NCALD: variants seen among roughly 807,000 people sequenced by gnomAD.
NCALD encodes the protein neurocalcin delta.
NCALD carries 10 observed loss-of-function variants against 18.6 expected under a neutral mutation model. The ratio of observed to expected loss-of-function variants is 0.54; its 90% CI spans 0.33 to 0.91. NCALD has a LOEUF of 0.91. Ranked by LOEUF, NCALD falls within the 40% of genes least tolerant of loss-of-function variation. The probability of loss-of-function intolerance (pLI) is 0.03; values close to 1 mark genes in which losing one functional copy is unlikely to be tolerated. For missense variants in NCALD, 184 were observed against 247.6 expected (o/e 0.74, Z 1.72); for synonymous variants, 88 against 87.4 (o/e 1.01, Z -0.04).
At chr8:101,999,737 A>G (rs1286385282) in intron 2 of NCALD, among the ~76,000 whole-genome samples, 3 of 152,212 alleles carry the variant, frequency 2.0e-5, no homozygotes, top group Non-Finnish European at 2.9e-5. Flanking sequence ...GTAGGCTATT[A>G]TTCTCTAAAA....
chr8:101,976,217 T>C (rs567444284), intron 2 of NCALD, among the ~76,000 whole-genome samples: 1 of 152,314 alleles, frequency 6.6e-6, no homozygotes, highest in Non-Finnish European at 1.5e-5. Flanking sequence ...ATGATTTCTA[T>C]AAACCCTGCC....
chr8:102,093,068 G>A lies in NCALD; in HGVS notation c.-210+31169C>T, dbSNP rs150308084. ...AGCTTCTCAGGAGGCTGAGGAGGGA[G>A]TATCACCTGAGCCCAGTGAGGTTGA... is the stretch of plus-strand genomic sequence containing the variant. On this transcript the variant is annotated intron_variant, in intron 1 of 6. Transcript: ENST00000311028. Among the ~76,000 whole-genome samples, 22 of 152,014 alleles carry A rather than the reference G, an allele frequency of 1.4e-4. 1 individual carries two copies. The highest frequency in any genetic ancestry group is 3.9e-4 in the African/African-American group (16 of 41,462).
At chr8:101,798,319 AG>A (rs1224657693) in intron 4 of NCALD, among the ~76,000 whole-genome samples, 1 of 152,236 alleles carries the variant, frequency 6.6e-6, no homozygotes, top group Admixed American at 6.5e-5. Flanking sequence ...AAAAGATCAC[AG>A]GATACAAGAT....
intron 2 of NCALD, among the ~76,000 whole-genome samples, chr8:102,007,401 C>T (rs926044726): frequency 6.6e-6 from 1 of 152,168 alleles, no homozygotes; most frequent in East Asian, 1.9e-4. Context: ...AGCAGATTCT[C>T]AGGTGCCTGA....
At chr8:101,768,852 C>A (rs1811465489) in intron 1 of NCALD, among the ~76,000 whole-genome samples, 1 of 152,134 alleles carries the variant, frequency 6.6e-6, no homozygotes. Flanking sequence ...TATTCACATC[C>A]TAATCCCTGA....
intron 1 of NCALD, among the ~76,000 whole-genome samples, chr8:101,782,272 C>T (rs113435947): frequency 7.2e-5 from 11 of 152,066 alleles, no homozygotes; most frequent in South Asian, 4.2e-4. Flanking sequence ...GCTTTGCCTA[C>T]GGATATAACC....
intron 2 of NCALD, among the ~76,000 whole-genome samples, chr8:102,000,830 G>A (rs905171073): frequency 1.6e-4 from 25 of 152,218 alleles, no homozygotes; most frequent in Non-Finnish European, 2.2e-4. Flanking sequence ...CTGTTAGAAG[G>A]AAAACTAACA....
chr8:102,009,971 G>A (rs185513998), intron 2 of NCALD, among the ~76,000 whole-genome samples: 49 of 152,304 alleles, frequency 3.2e-4, no homozygotes, highest in African/African-American at 1.2e-3. Context: ...CCCCAGTACT[G>A]GGGAGCACTT....
At chr8:102,003,841 A>C (rs1162440345) in intron 2 of NCALD, among the ~76,000 whole-genome samples, 15 of 152,244 alleles carry the variant, frequency 9.9e-5, no homozygotes, top group Admixed American at 2.6e-4. Context: ...CTTCATGCTA[A>C]AACCTCTCAA....
chr8:101,842,245 C>A (rs1431307764), intron 4 of NCALD, among the ~76,000 whole-genome samples: 1 of 152,080 alleles, frequency 6.6e-6, no homozygotes, highest in Non-Finnish European at 1.5e-5. Context: ...TCTTTAAAGA[C>A]AGTCACATGC....
chr8:102,116,254 T>C lies in NCALD; in HGVS notation c.-210+7983A>G, dbSNP rs186420213. ...CACATGTACCCTAGAACTTAAAGTA[T>C]AATAAACAAAAACAAAAACAAAAAC... On this transcript the variant is annotated intron_variant, in intron 1 of 6. Transcript: ENST00000311028. Among the ~76,000 whole-genome samples, 30 of 150,516 alleles carry C rather than the reference T, an allele frequency of 2.0e-4. No homozygotes were observed. The East Asian group carries it at 4.6e-3, about 23-fold the overall frequency.
chr8:101,830,313 T>C (rs970767136), intron 4 of NCALD, among the ~76,000 whole-genome samples: 2 of 152,162 alleles, frequency 1.3e-5, no homozygotes. Flanking sequence ...GTAATCCCAG[T>C]ACTTTGGGAG....
chr8:102,100,295 C>T (rs1825234150), intron 1 of NCALD, among the ~76,000 whole-genome samples: 1 of 152,046 alleles, frequency 6.6e-6, no homozygotes, highest in African/African-American at 2.4e-5. Flanking sequence ...TAACTAAACT[C>T]AAGGAGGAAT....
chr8:101,731,749 T>C (rs930958972), intron 1 of NCALD, among the ~76,000 whole-genome samples: 3 of 152,186 alleles, frequency 2.0e-5, no homozygotes, highest in African/African-American at 7.2e-5. Context: ...CTTTCCCAGC[T>C]ACTCCAAGTC....
At chr8:102,043,210 G>A (rs1293498105) in intron 1 of NCALD, among the ~76,000 whole-genome samples, 1 of 151,894 alleles carries the variant, frequency 6.6e-6, no homozygotes, top group African/African-American at 2.4e-5. Context: ...ATTCATGCAG[G>A]GCTCATGTGT....
intron 4 of NCALD, among the ~76,000 whole-genome samples, chr8:101,860,307 C>T (rs1311693328): frequency 1.3e-5 from 2 of 152,140 alleles, no homozygotes; most frequent in Non-Finnish European, 2.9e-5. Flanking sequence ...ACATGAAGGC[C>T]ATGGAGGACA....
intron 2 of NCALD, among the ~76,000 whole-genome samples, chr8:101,928,529 T>C (rs939178431): frequency 5.3e-5 from 8 of 152,174 alleles, no homozygotes; most frequent in African/African-American, 1.9e-4. Flanking sequence ...GATTCCATGA[T>C]GCTGCCCTCA....
chr8:101,892,593 G>T (rs1816953333), intron 3 of NCALD, among the ~76,000 whole-genome samples: 1 of 148,854 alleles, frequency 6.7e-6, no homozygotes, highest in Admixed American at 6.6e-5. Context: ...CAAACCAAAG[G>T]CAAAGAAGTT....
intron 1 of NCALD, among the ~76,000 whole-genome samples, chr8:102,063,078 T>C (rs1823898616): frequency 6.6e-6 from 1 of 152,226 alleles, no homozygotes; most frequent in Non-Finnish European, 1.5e-5. Flanking sequence ...CATACCACTA[T>C]AAAATGAATG....
Sources: gnomAD v4.1 joint callset for allele counts (sites outside exome capture counted in the v4.1 genomes callset) on GRCh38, gnomAD v4.1.1 for gene constraint, MANE v1.5 for transcripts, NCBI Gene and HGNC (gene_info 2026-07-23, HGNC 2026-07-21) for gene names.